The following NRXN3 variants were observed in gnomAD, a reference collection of about 807,000 sequenced individuals.
The protein encoded by NRXN3 is neurexin 3.
NRXN3 carries 32 observed loss-of-function variants against 137.6 expected under a neutral mutation model. That is an observed-to-expected ratio of 0.23 (90% CI 0.18 to 0.31). NRXN3 has a LOEUF of 0.31. Ranked by LOEUF, NRXN3 falls within the 10% of genes least tolerant of loss-of-function variation. NRXN3 has a pLI of 1.00. For synonymous variants in NRXN3, 798 were observed against 784.5 expected, an observed-to-expected ratio of 1.02 and a Z score of -0.29; for missense variants, 1,574 against 2,062.5, an observed-to-expected ratio of 0.76 and a Z score of 4.59.
rs551646534 is a variant in NRXN3, at chr14:79,509,196, AAATAAT to A, written c.3444+41810_3444+41815del. ...GTGACAGAGCAAGACTCTGTCTCAA[AAATAAT>A]AATAATAATAATAATGCTTTGTGCA... On this transcript the variant is annotated intron_variant, in intron 16 of 20. Transcript: ENST00000335750. Among the ~76,000 whole-genome samples the A allele has an allele frequency of 9.7e-4, 148 of 151,966 alleles. 4 individuals carry two copies. The South Asian group carries it at 0.029, about 30-fold the overall frequency.
At chr14:78,328,395 G>C (rs577935221) in intron 4 of NRXN3, among the ~76,000 whole-genome samples, 28 of 152,320 alleles carry the variant, frequency 1.8e-4, no homozygotes, top group Admixed American at 1.5e-3. Flanking sequence ...GGTGGAAGAT[G>C]TTGAGTTGCA....
intron 20 of NRXN3, among the ~76,000 whole-genome samples, chr14:79,851,660 C>T (rs546862140): frequency 5.9e-5 from 9 of 152,222 alleles, no homozygotes; most frequent in African/African-American, 1.9e-4. Flanking sequence ...GGTTCGCCTA[C>T]CTGGGTTTCC....
chr14:78,714,761 A>G lies in NRXN3; in HGVS notation c.1666A>G (p.Ile556Val), dbSNP rs766107412. 15 of 1,613,362 alleles carry G rather than the reference A, an allele frequency of 9.3e-6. No homozygotes were observed. In the Admixed American group the frequency reaches 1.2e-4, roughly 13 times the overall value. Residue 556 changes from isoleucine (I) to valine (V), a missense_variant, in exon 8 of 21, where the codon ATA becomes GTA. Physicochemically the swap from Ile to Val is conservative, Grantham distance 29. Transcript: ENST00000335750. ...DIQRDGRSGTISVNSRRTPFT... is the reference protein window; with the variant it reads ...DIQRDGRSGTVSVNSRRTPFT... Reference sequence around the variant, plus strand: ...GATCTGTCTTCCCACCCCAGGTACTATATCAGTGAACAGCAGGCGCACGCC... The same window carrying G: ...GATCTGTCTTCCCACCCCAGGTACTGTATCAGTGAACAGCAGGCGCACGCC...
chr14:79,687,012 C>T (rs1032689722), intron 17 of NRXN3, among the ~76,000 whole-genome samples: 7 of 152,138 alleles, frequency 4.6e-5, no homozygotes, highest in Admixed American at 2.0e-4. Context: ...TAATTTACTT[C>T]CCACAAGCTG....
At chr14:79,126,631 A>G (rs1568363788) in intron 15 of NRXN3, among the ~76,000 whole-genome samples, 1 of 152,034 alleles carries the variant, frequency 6.6e-6, no homozygotes, top group African/African-American at 2.4e-5. Flanking sequence ...GCCGCAATAA[A>G]CATACGTGTG....
At chr14:78,696,611 T>G (rs1307245041) in intron 6 of NRXN3, among the ~76,000 whole-genome samples, 1 of 151,996 alleles carries the variant, frequency 6.6e-6, no homozygotes, top group Non-Finnish European at 1.5e-5. Flanking sequence ...TAACTATATT[T>G]TATGCTGCTT....
chr14:78,873,168 A>G (rs1029948907), intron 10 of NRXN3, among the ~76,000 whole-genome samples: 2 of 152,172 alleles, frequency 1.3e-5, no homozygotes, highest in African/African-American at 4.8e-5. Context: ...TTCTCTGTAA[A>G]AACTTAGCTT....
Position 78,310,421 on chromosome 14 carries a change from C to T in NRXN3, c.757+12561C>T, listed in dbSNP as rs1026092056. Among the ~76,000 whole-genome samples the T allele has an allele frequency of 2.0e-5, 3 of 151,954 alleles. 1 individual carries two copies. Among genetic ancestry groups the T allele is most frequent in the East Asian group, 3.9e-4 (2 of 5,186 alleles). ...TTGTCCTATTTATGTGCTGTCTGTT[C>T]AGTATGAAGTGGCAGCCATTGATCC... On this transcript the variant is annotated intron_variant, in intron 4 of 20. Transcript: ENST00000335750.
intron 2 of NRXN3, among the ~76,000 whole-genome samples, chr14:78,251,650 A>G (rs1371089644): frequency 6.6e-6 from 1 of 152,208 alleles, no homozygotes; most frequent in African/African-American, 2.4e-5. Flanking sequence ...TAGGGAGTAC[A>G]GGAGGGTGCA....
intron 4 of NRXN3, among the ~76,000 whole-genome samples, chr14:78,522,201 A>G (rs1030263643): frequency 6.6e-6 from 1 of 152,298 alleles, no homozygotes; most frequent in South Asian, 2.1e-4. Flanking sequence ...TTTTTTACAT[A>G]TACTTTTTTA....
chr14:79,658,229 A>G lies in NRXN3; in HGVS notation c.3445-5549A>G, dbSNP rs10129748. Among the ~76,000 whole-genome samples the G allele has an allele frequency of 6.0e-3, 909 of 152,290 alleles. 6 individuals carry two copies. Among genetic ancestry groups the G allele is most frequent in the African/African-American group, 0.02 (832 of 41,580 alleles). ...TATTGTGTGAATTCTCTTGTAATTA[A>G]TTGTAAGAATTTGAATATACTTCTA... On this transcript the variant is annotated intron_variant, in intron 16 of 20. Transcript: ENST00000335750.
At chr14:78,848,501 A>C (rs1007834568) in intron 10 of NRXN3, among the ~76,000 whole-genome samples, 3 of 152,140 alleles carry the variant, frequency 2.0e-5, no homozygotes, top group Admixed American at 6.6e-5. Flanking sequence ...TTCAGATTAG[A>C]GAAGGACATG....
chr14:79,601,277 G>A (rs1289103299), intron 16 of NRXN3, among the ~76,000 whole-genome samples: 10 of 151,988 alleles, frequency 6.6e-5, no homozygotes, highest in African/African-American at 1.9e-4. Flanking sequence ...TCCTGGCCTC[G>A]TGATCTGCCT....
At chr14:79,097,892 G>A (rs568110736) in intron 15 of NRXN3, among the ~76,000 whole-genome samples, 6 of 152,118 alleles carry the variant, frequency 3.9e-5, no homozygotes, top group Non-Finnish European at 2.9e-5. Context: ...CTGCCCTGAA[G>A]ATCAAATAAA....
intron 15 of NRXN3, among the ~76,000 whole-genome samples, chr14:79,128,857 C>T (rs2056992629): frequency 6.6e-6 from 1 of 151,414 alleles, no homozygotes; most frequent in Non-Finnish European, 1.5e-5. Flanking sequence ...ATTTCAGCTC[C>T]TGTTATTGGT....
intron 15 of NRXN3, among the ~76,000 whole-genome samples, chr14:79,031,914 G>C (rs548024055): frequency 1.2e-4 from 18 of 152,258 alleles, no homozygotes; most frequent in African/African-American, 4.1e-4. Flanking sequence ...TGAGACTGCA[G>C]AGGTTTGTGA....
At chr14:79,135,006 G>C (rs114465874) in intron 15 of NRXN3, among the ~76,000 whole-genome samples, 2,481 of 152,250 alleles carry the variant, frequency 0.016, 57 homozygotes, top group African/African-American at 0.056. Flanking sequence ...AATGCTTAGT[G>C]AATATTTTTT....
chr14:78,281,623 G>C (rs2074423065), intron 3 of NRXN3, among the ~76,000 whole-genome samples: 1 of 152,158 alleles, frequency 6.6e-6, no homozygotes, highest in African/African-American at 2.4e-5. Flanking sequence ...TTGGGGAGGA[G>C]GTTCAGAATA....
intron 15 of NRXN3, among the ~76,000 whole-genome samples, chr14:79,044,514 A>G (rs1280462120): frequency 6.6e-6 from 1 of 152,226 alleles, no homozygotes; most frequent in Admixed American, 6.5e-5. Context: ...GAGTTGAAGT[A>G]GTGAAAGCTC....
Sources: gnomAD v4.1 joint callset for allele counts (sites outside exome capture counted in the v4.1 genomes callset) on GRCh38, gnomAD v4.1.1 for gene constraint, MANE v1.5 for transcripts, NCBI Gene and HGNC (gene_info 2026-07-23, HGNC 2026-07-21) for gene names.